Variants in CMIP observed in about 807,000 individuals in gnomAD.
The protein encoded by CMIP is C-Maf-inducing protein.
In CMIP, 13 loss-of-function variants were observed where a neutral mutation model predicts 97.3. That is an observed-to-expected ratio of 0.13 (90% CI 0.09 to 0.21). The LOEUF is 0.21. CMIP is among the 10% of genes least tolerant of loss of function. The pLI, the probability that CMIP is intolerant of heterozygous loss-of-function variation, is 1.00. For missense variants in CMIP, 847 were observed against 1,024.9 expected, an observed-to-expected ratio of 0.83 and a Z score of 2.37; for synonymous variants, 538 against 436.3, an observed-to-expected ratio of 1.23 and a Z score of -2.91.
At chr16:81,687,753 C>G (rs1179957594) in intron 10 of CMIP, among the ~76,000 whole-genome samples, 2 of 152,164 alleles carry the variant, frequency 1.3e-5, no homozygotes, top group Non-Finnish European at 2.9e-5. Flanking sequence ...TCTGGACGCT[C>G]CCAGCTTTTG....
intron 1 of CMIP, among the ~76,000 whole-genome samples, chr16:81,514,979 G>A (rs866804897): frequency 2.6e-5 from 4 of 152,162 alleles, no homozygotes; most frequent in Admixed American, 6.6e-5. Context: ...ATCGTTGTTC[G>A]AGGGCCTGCT....
intron 5 of CMIP, among the ~76,000 whole-genome samples, chr16:81,659,604 C>T (rs1343688086): frequency 6.6e-6 from 1 of 152,198 alleles, no homozygotes; most frequent in Non-Finnish European, 1.5e-5. Context: ...GAAGGAGGTA[C>T]TGCCTTCCTC....
At position 81,501,940 on chromosome 16, in the gene CMIP, T is replaced by G. The variant is rs547344589; in HGVS notation, c.300+56399T>G. ...GCAAGTGACTTAAGTCCTTGTGCCT[T>G]CCTTGCCTGATTTATGAAATGGCAA... On this transcript the variant is annotated intron_variant, in intron 1 of 20. Coordinates refer to ENST00000537098, the MANE Select transcript of CMIP (RefSeq NM_198390.3). 3.9e-5 allele frequency among the ~76,000 whole-genome samples: 6 copies of G among 152,340 alleles called. No individual in the cohort carries two copies. The East Asian group carries it at 9.6e-4, about 24-fold the overall frequency.
chr16:81,660,959 T>C lies in CMIP; in HGVS notation c.744+13T>C. The C allele has an allele frequency of 6.2e-7, 1 of 1,613,990 alleles. No homozygotes were observed. Among genetic ancestry groups the C allele is most frequent in the Non-Finnish European group, 8.5e-7 (1 of 1,179,854 alleles). ...ATTCTTTTGCAAGGTACGGGATTGC[T>C]GAGCTGGGGCTGTGGCTGCAGGAAG... On this transcript the variant is annotated intron_variant, in intron 6 of 20. Transcript: ENST00000537098.
At chr16:81,573,204 C>T (rs561432962) in intron 1 of CMIP, among the ~76,000 whole-genome samples, 22 of 152,194 alleles carry the variant, frequency 1.4e-4, no homozygotes, top group African/African-American at 5.1e-4. Flanking sequence ...GTTAGCCGGG[C>T]GTGGTGGCGG....
At chr16:81,678,693 G>C in intron 10 of CMIP, 65 bp downstream of exon 10, 1 of 746,098 alleles carries the variant, frequency 1.3e-6, no homozygotes. Context: ...TTGCTGCTGG[G>C]TGCGGCTGTG....
rs574934322 is a variant in CMIP at position 81,585,873 on chromosome 16, C to G, written c.301-21694C>G. ...TTAGTGGCTGTCTTCCTCTTTACTG[C>G]TCTGTAAGAGTTGCTGCCCCTGTCG... On this transcript the variant is annotated intron_variant, in intron 1 of 20. Coordinates refer to ENST00000537098, the MANE Select transcript of CMIP (RefSeq NM_198390.3). 1.6e-4 allele frequency among the ~76,000 whole-genome samples: 24 copies of G among 152,240 alleles called. No homozygotes were observed. In the East Asian group the frequency reaches 3.5e-3, roughly 22 times the overall value.
chr16:81,622,803 G>A (rs1212884738), intron 3 of CMIP, among the ~76,000 whole-genome samples: 2 of 152,214 alleles, frequency 1.3e-5, no homozygotes, highest in Admixed American at 6.5e-5. Context: ...TGAAATCTGT[G>A]AGTATTGCAC....
chr16:81,471,946 A>G (rs1051540553), intron 1 of CMIP, among the ~76,000 whole-genome samples: 2 of 152,226 alleles, frequency 1.3e-5, no homozygotes, highest in African/African-American at 4.8e-5. Context: ...TAATCTTTTT[A>G]GACTGCGGTT....
chr16:81,673,028 C>T (rs1459828447), intron 9 of CMIP, among the ~76,000 whole-genome samples: 2 of 152,104 alleles, frequency 1.3e-5, no homozygotes, highest in Non-Finnish European at 2.9e-5. Flanking sequence ...TAAGAAAAAC[C>T]GTGAGAGCAA....
chr16:81,482,353 T>C (rs888728550), intron 1 of CMIP, among the ~76,000 whole-genome samples: 2 of 152,158 alleles, frequency 1.3e-5, no homozygotes, highest in African/African-American at 2.4e-5. Context: ...GTGCCTATCA[T>C]AGCAGGGGAG....
chr16:81,699,255 C>CAA (rs202050784), intron 14 of CMIP, among the ~76,000 whole-genome samples: 3 of 151,418 alleles, frequency 2.0e-5, no homozygotes, highest in African/African-American at 7.3e-5. Context: ...GACTCCATCT[C>CAA]AAAAAAAATA....
chr16:81,445,575 T>C (rs1353874392), intron 1 of CMIP, 34 bp downstream of exon 1: 1 of 1,530,066 alleles, frequency 6.5e-7, no homozygotes, highest in Non-Finnish European at 8.8e-7. Context: ...CCCCCGCCTC[T>C]CCTCGGGGCC....
chr16:81,629,107 G>C (rs1164257736), intron 3 of CMIP, among the ~76,000 whole-genome samples: 2 of 117,734 alleles, frequency 1.7e-5, no homozygotes, highest in Non-Finnish European at 3.2e-5. Context: ...CTATACTCCA[G>C]CCTGGGTGAC....
At chr16:81,493,830 G>A (rs2089444317) in intron 1 of CMIP, among the ~76,000 whole-genome samples, 1 of 152,222 alleles carries the variant, frequency 6.6e-6, no homozygotes. Flanking sequence ...GCCGGGACCG[G>A]GATTGCAGGT....
chr16:81,580,575 A>G (rs181049950), intron 1 of CMIP, among the ~76,000 whole-genome samples: 105 of 151,990 alleles, frequency 6.9e-4, no homozygotes, highest in African/African-American at 2.3e-3. Context: ...CTGGGACTAT[A>G]TAGATGCCTG....
At chr16:81,520,816 A>G (rs2090010086) in intron 1 of CMIP, among the ~76,000 whole-genome samples, 1 of 152,068 alleles carries the variant, frequency 6.6e-6, no homozygotes, top group Admixed American at 6.5e-5. Context: ...GTAGGAAGTG[A>G]GGAATTAGGT....
At chr16:81,658,075 G>A (rs1051906206) in intron 5 of CMIP, among the ~76,000 whole-genome samples, 11 of 152,152 alleles carry the variant, frequency 7.2e-5, no homozygotes, top group Non-Finnish European at 1.5e-4. Flanking sequence ...TCCTTCCTGC[G>A]TCTCTGCCTA....
intron 1 of CMIP, among the ~76,000 whole-genome samples, chr16:81,555,009 C>G (rs1597552634): frequency 6.6e-6 from 1 of 152,246 alleles, no homozygotes; most frequent in South Asian, 2.1e-4. Context: ...CTCGACACAC[C>G]CCTACAGTGG....
Sources: gnomAD v4.1 joint callset for allele counts (sites outside exome capture counted in the v4.1 genomes callset) on GRCh38, gnomAD v4.1.1 for gene constraint, MANE v1.5 for transcripts, NCBI Gene and HGNC (gene_info 2026-07-23, HGNC 2026-07-21) for gene names.